ULK4: variants seen among roughly 807,000 people sequenced by gnomAD.
ULK4 encodes the protein unc-51 like kinase 4.
Under a neutral mutation model 160.6 loss-of-function variants are expected in ULK4, and 133 were observed. The ratio of observed to expected loss-of-function variants is 0.83; its 90% CI spans 0.72 to 0.96. The LOEUF is 0.96. ULK4 is among the 40% of genes least tolerant of loss of function. ULK4 has a pLI of 0.00. For missense variants in ULK4, 1,580 were observed against 1,499.5 expected (o/e 1.05, Z -0.89); for synonymous variants, 534 against 539.8 (o/e 0.99, Z 0.15).
intron 29 of ULK4, among the ~76,000 whole-genome samples, chr3:41,671,931 T>C (rs2035554001): frequency 6.6e-6 from 1 of 152,034 alleles, no homozygotes; most frequent in Non-Finnish European, 1.5e-5. Context: ...GATATAAACA[T>C]TTCTCAAAAG....
At chr3:41,481,283 T>C (rs2084313349) in intron 32 of ULK4, among the ~76,000 whole-genome samples, 3 of 152,296 alleles carry the variant, frequency 2.0e-5, no homozygotes, top group African/African-American at 7.2e-5. Context: ...CAGTGTCTTG[T>C]TCTAAAAATA....
At chr3:41,892,776 G>C (rs945433505) in intron 16 of ULK4, among the ~76,000 whole-genome samples, 2 of 152,142 alleles carry the variant, frequency 1.3e-5, no homozygotes, top group African/African-American at 2.4e-5. Flanking sequence ...TAAGACACCA[G>C]ACCCCCTCAC....
At chr3:41,735,342 G>C (rs1218925965) in intron 22 of ULK4, among the ~76,000 whole-genome samples, 1 of 152,010 alleles carries the variant, frequency 6.6e-6, no homozygotes, top group Non-Finnish European at 1.5e-5. Context: ...TGTAAAGTCA[G>C]TTATATAGGT....
intron 32 of ULK4, among the ~76,000 whole-genome samples, chr3:41,477,696 C>A (rs952036024): frequency 1.3e-5 from 2 of 152,196 alleles, no homozygotes; most frequent in Non-Finnish European, 2.9e-5. Context: ...AGTGGCAATG[C>A]CTGTCTTGGA....
chr3:41,761,111 C>A (rs1307802308), intron 21 of ULK4, among the ~76,000 whole-genome samples: 1 of 152,054 alleles, frequency 6.6e-6, no homozygotes, highest in Non-Finnish European at 1.5e-5. Flanking sequence ...TTGCCTAAGA[C>A]AAAAGCAGCA....
intron 17 of ULK4, among the ~76,000 whole-genome samples, chr3:41,838,928 G>A (rs1295072147): frequency 6.6e-6 from 1 of 152,162 alleles, no homozygotes; most frequent in East Asian, 1.9e-4. Flanking sequence ...GGGGTGGAGT[G>A]GGGAATAGGG....
intron 21 of ULK4, among the ~76,000 whole-genome samples, chr3:41,776,395 T>C (rs2039623696): frequency 6.6e-6 from 1 of 150,880 alleles, no homozygotes; most frequent in Non-Finnish European, 1.5e-5. Flanking sequence ...TTAAGTTTTT[T>C]TCAAGTTTTC....
intron 32 of ULK4, among the ~76,000 whole-genome samples, chr3:41,563,178 A>G (rs1281821513): frequency 6.6e-6 from 1 of 152,188 alleles, no homozygotes; most frequent in East Asian, 1.9e-4. Flanking sequence ...AGAATGTTGA[A>G]TATTGGCCCC....
At chr3:41,340,738 G>T (rs758822552) in intron 35 of ULK4, among the ~76,000 whole-genome samples, 5 of 152,146 alleles carry the variant, frequency 3.3e-5, no homozygotes, top group African/African-American at 1.2e-4. Context: ...TGAACTAGAC[G>T]ATCTCCAAAG....
At chr3:41,269,863 A>T (rs1360962528) in intron 35 of ULK4, among the ~76,000 whole-genome samples, 2 of 152,212 alleles carry the variant, frequency 1.3e-5, no homozygotes, top group African/African-American at 4.8e-5. Flanking sequence ...GAAAATCCTT[A>T]ACTCTTTGGG....
chr3:41,896,737 T>G, intron 15 of ULK4, 85 bp downstream of exon 15: 1 of 1,426,054 alleles, frequency 7.0e-7, no homozygotes, highest in Non-Finnish European at 9.3e-7. Context: ...TTTGTGGTAG[T>G]TAAATCAAAT....
chr3:41,475,889 G>A (rs540796198), intron 32 of ULK4, among the ~76,000 whole-genome samples: 9 of 151,972 alleles, frequency 5.9e-5, no homozygotes, highest in African/African-American at 2.2e-4. Context: ...AGGAGAGAAG[G>A]AGGGAAGAAA....
At chr3:41,613,606 C>T (rs551493618) in intron 31 of ULK4, among the ~76,000 whole-genome samples, 1 of 152,070 alleles carries the variant, frequency 6.6e-6, no homozygotes, top group East Asian at 1.9e-4. Context: ...AGTAATAGTT[C>T]ACAGGATAAC....
chr3:41,680,257 A>C (rs1351085993), intron 29 of ULK4, among the ~76,000 whole-genome samples: 1 of 152,208 alleles, frequency 6.6e-6, no homozygotes, highest in East Asian at 1.9e-4. Flanking sequence ...CACTGAGCAA[A>C]CTCCACATGA....
At chr3:41,552,953 T>C (rs531275222) in intron 32 of ULK4, among the ~76,000 whole-genome samples, 1 of 152,018 alleles carries the variant, frequency 6.6e-6, no homozygotes, top group Non-Finnish European at 1.5e-5. Flanking sequence ...AATTCATGTA[T>C]TCACAGCCAA....
intron 16 of ULK4, among the ~76,000 whole-genome samples, chr3:41,888,520 T>C (rs939017506): frequency 5.9e-5 from 9 of 152,132 alleles, no homozygotes; most frequent in African/African-American, 2.2e-4. Context: ...AAAGCAAGAA[T>C]GAGCCACAGG....
chr3:41,629,685 GA>G (rs1443478249), intron 30 of ULK4, among the ~76,000 whole-genome samples: 4 of 152,224 alleles, frequency 2.6e-5, no homozygotes, highest in Non-Finnish European at 4.4e-5. Context: ...GCAACAAATA[GA>G]AAAATTTAAA....
In ULK4 at chr3:41,464,006, TA is replaced by T. The variant is rs11395404; in HGVS notation, c.3227-754del. Reference sequence around the variant, plus strand: ...CAGTAGAGCATAAATTCAGATGTTCTAAAAAAAAAAAAAAAGTGAATTTTCA... The same window carrying T: ...CAGTAGAGCATAAATTCAGATGTTCTAAAAAAAAAAAAAAGTGAATTTTCA... On this transcript the variant is annotated intron_variant, in intron 32 of 36. Transcript: ENST00000301831. 3.5e-3 allele frequency among the ~76,000 whole-genome samples: 500 copies of T among 144,520 alleles called. 1 individual carries two copies. The highest frequency in any genetic ancestry group is 6.4e-3 in the South Asian group (29 of 4,566). The allele number at this position is 144,520 out of a possible 152,430, so 94.8% of individuals were successfully genotyped here. A position where few individuals can be genotyped will look rare whatever the true frequency, so the allele number is the denominator to read the frequency against.
intron 35 of ULK4, among the ~76,000 whole-genome samples, chr3:41,390,883 C>T (rs1179508776): frequency 6.6e-6 from 1 of 152,086 alleles, no homozygotes; most frequent in Non-Finnish European, 1.5e-5. Context: ...TCTATTAGGT[C>T]TGCTTGGTGC....
Sources: allele counts gnomAD v4.1 joint callset (sites outside exome capture counted in the v4.1 genomes callset), GRCh38; gene constraint gnomAD v4.1.1; transcripts MANE v1.5; gene names NCBI Gene and HGNC (gene_info 2026-07-23, HGNC 2026-07-21).